Variants in CTNNA3 observed in about 807,000 individuals in gnomAD.
The protein encoded by CTNNA3 is catenin alpha-3.
A neutral mutation model predicts 95.7 loss-of-function variants in CTNNA3; 76 were observed. The observed-to-expected ratio is 0.79, with a 90% CI of 0.66 to 0.96. CTNNA3 has a LOEUF of 0.96. Among genes scored for constraint, CTNNA3 ranks in the 40% least tolerant of loss-of-function variants. CTNNA3 has a pLI of 0.00. For missense variants in CTNNA3, 1,191 were observed against 1,089.8 expected (o/e 1.09, Z -1.31); for synonymous variants, 431 against 374.4 (o/e 1.15, Z -1.74).
chr10:65,999,408 T>A (rs185344893), intron 15 of CTNNA3, among the ~76,000 whole-genome samples: 20 of 152,270 alleles, frequency 1.3e-4, no homozygotes, highest in Admixed American at 1.3e-3. Context: ...TGTTTCCCAG[T>A]TTAAAAACCC....
intron 13 of CTNNA3, among the ~76,000 whole-genome samples, chr10:66,161,711 G>A (rs1289988414): frequency 1.3e-5 from 2 of 152,184 alleles, no homozygotes; most frequent in East Asian, 3.9e-4. Context: ...TTTCTCAGGT[G>A]TTCTTTGTGC....
intron 11 of CTNNA3, among the ~76,000 whole-genome samples, chr10:66,462,948 T>C (rs535662968): frequency 2.0e-5 from 3 of 152,302 alleles, no homozygotes; most frequent in African/African-American, 7.2e-5. Context: ...AAAATTAAAG[T>C]TCAAAATGAA....
At chr10:66,180,453 G>T (rs2085980531) in intron 13 of CTNNA3, among the ~76,000 whole-genome samples, 1 of 152,154 alleles carries the variant, frequency 6.6e-6, no homozygotes, top group Non-Finnish European at 1.5e-5. Context: ...GATTCTCCGG[G>T]CTCCTAGAGG....
intron 2 of CTNNA3, among the ~76,000 whole-genome samples, chr10:67,630,770 TAC>T (rs529250673): frequency 1.3e-3 from 195 of 152,280 alleles, no homozygotes; most frequent in African/African-American, 4.5e-3. Flanking sequence ...GGGATATATT[TAC>T]AGTCAGAAAA....
chr10:67,613,389 T>G (rs112916875), intron 2 of CTNNA3, among the ~76,000 whole-genome samples: 36 of 151,678 alleles, frequency 2.4e-4, no homozygotes, highest in Non-Finnish European at 2.7e-4. Context: ...AAAAAAAGAA[T>G]AAAACCCTAC....
chr10:67,453,761 G>T (rs1440537364), intron 5 of CTNNA3, among the ~76,000 whole-genome samples: 1 of 152,152 alleles, frequency 6.6e-6, no homozygotes, highest in African/African-American at 2.4e-5. Context: ...AATAAATATA[G>T]CATGGCTGTC....
intron 7 of CTNNA3, among the ~76,000 whole-genome samples, chr10:66,952,832 T>C (rs1240008782): frequency 6.6e-6 from 1 of 151,926 alleles, no homozygotes; most frequent in Non-Finnish European, 1.5e-5. Flanking sequence ...TTATATAATT[T>C]CAACAATTTT....
chr10:66,062,918 G>A (rs1297909235), intron 15 of CTNNA3, among the ~76,000 whole-genome samples: 1 of 152,000 alleles, frequency 6.6e-6, no homozygotes, highest in East Asian at 1.9e-4. Flanking sequence ...TACCCTCAAA[G>A]CCACTGATTT....
intron 1 of CTNNA3, among the ~76,000 whole-genome samples, chr10:67,711,589 A>ATTTT (rs1160033893): frequency 2.0e-5 from 3 of 151,956 alleles, no homozygotes; most frequent in African/African-American, 7.2e-5. Context: ...TTATTTATTT[A>ATTTT]TTTTTTATTA....
intron 13 of CTNNA3, among the ~76,000 whole-genome samples, chr10:66,134,142 A>T (rs10996924): frequency 0.49 from 74,425 of 151,890 alleles, 18,459 homozygotes; most frequent in African/African-American, 0.57. Context: ...ATATCTCTAA[A>T]TGTATAAAAA....
intron 7 of CTNNA3, among the ~76,000 whole-genome samples, chr10:66,818,634 T>C (rs116037580): frequency 1.3e-5 from 2 of 152,142 alleles, no homozygotes; most frequent in Non-Finnish European, 2.9e-5. Flanking sequence ...TTCTGGGGAA[T>C]GGATTGGAAG....
chr10:66,792,399 T>C lies in CTNNA3; in HGVS notation c.1048-16875A>G, dbSNP rs1384586691. Among the ~76,000 whole-genome samples, 6 of 152,192 alleles carry C rather than the reference T, an allele frequency of 3.9e-5. No homozygotes were observed. In the East Asian group the frequency reaches 1.2e-3, roughly 29 times the overall value. On this transcript the variant is annotated intron_variant, in intron 7 of 17. Coordinates refer to ENST00000433211, the MANE Select transcript of CTNNA3 (RefSeq NM_013266.4). The stretch of plus-strand genomic sequence containing the variant: ...AATCTTAATTTGCATAAGAATCTCC[T>C]AGAAGAGCTTGTTAAAATGTAGATT...
chr10:66,204,680 T>C (rs536954177), intron 13 of CTNNA3, among the ~76,000 whole-genome samples: 4 of 152,184 alleles, frequency 2.6e-5, no homozygotes, highest in Non-Finnish European at 5.9e-5. Context: ...CATCCATTCA[T>C]ACTTCTATTA....
chr10:66,486,835 A>T (rs1011272507), intron 11 of CTNNA3, among the ~76,000 whole-genome samples: 2 of 150,664 alleles, frequency 1.3e-5, no homozygotes, highest in African/African-American at 4.9e-5. Flanking sequence ...ACACACACAC[A>T]CACACACACA....
At chr10:66,699,311 T>A (rs1031849043) in intron 9 of CTNNA3, among the ~76,000 whole-genome samples, 1 of 152,188 alleles carries the variant, frequency 6.6e-6, no homozygotes, top group Non-Finnish European at 1.5e-5. Flanking sequence ...TTCATAACTG[T>A]ACCAATTTCC....
intron 5 of CTNNA3, among the ~76,000 whole-genome samples, chr10:67,497,688 G>A (rs955903845): frequency 6.6e-6 from 1 of 152,176 alleles, no homozygotes; most frequent in Non-Finnish European, 1.5e-5. Flanking sequence ...GACCACTGAT[G>A]ATGAGCTTTT....
intron 2 of CTNNA3, among the ~76,000 whole-genome samples, chr10:67,611,400 G>A (rs532945183): frequency 5.3e-5 from 8 of 151,782 alleles, no homozygotes; most frequent in African/African-American, 1.5e-4. Context: ...TGCAAGCTCC[G>A]CCTCCCAGGT....
intron 1 of CTNNA3, among the ~76,000 whole-genome samples, chr10:67,669,089 C>T (rs1387470866): frequency 1.3e-5 from 2 of 152,046 alleles, no homozygotes; most frequent in African/African-American, 4.8e-5. Context: ...CTGCCCGCCT[C>T]GGCCTCCCAA....
intron 10 of CTNNA3, among the ~76,000 whole-genome samples, chr10:66,604,257 A>T (rs1351831416): frequency 2.6e-5 from 4 of 152,162 alleles, no homozygotes; most frequent in Non-Finnish European, 4.4e-5. Context: ...AACAAAAACA[A>T]AAACAAAAAA....
Sources: allele counts gnomAD v4.1 joint callset (sites outside exome capture counted in the v4.1 genomes callset), GRCh38; gene constraint gnomAD v4.1.1; transcripts MANE v1.5; gene names NCBI Gene and HGNC (gene_info 2026-07-23, HGNC 2026-07-21).